CNTNAP2: variants seen among roughly 807,000 people sequenced by gnomAD.
CNTNAP2 encodes the protein contactin-associated protein-like 2.
CNTNAP2 carries 98 observed loss-of-function variants against 155.2 expected under a neutral mutation model. The ratio of observed to expected loss-of-function variants is 0.63; its 90% CI spans 0.54 to 0.75. The LOEUF (loss-of-function observed/expected upper bound fraction) is 0.75. Ranked by LOEUF, CNTNAP2 falls within the 30% of genes least tolerant of loss-of-function variation. CNTNAP2 has a pLI of 0.00. For synonymous variants in CNTNAP2, 651 were observed against 631.2 expected, an observed-to-expected ratio of 1.03 and a Z score of -0.47; for missense variants, 1,727 against 1,688.1, an observed-to-expected ratio of 1.02 and a Z score of -0.40.
intron 21 of CNTNAP2, among the ~76,000 whole-genome samples, chr7:148,282,434 A>C (rs1796990364): frequency 6.6e-6 from 1 of 152,238 alleles, no homozygotes. Flanking sequence ...CTTAACCGTG[A>C]AATGAGAATG....
intron 1 of CNTNAP2, among the ~76,000 whole-genome samples, chr7:146,307,300 C>T (rs929917328): frequency 6.6e-6 from 1 of 152,126 alleles, no homozygotes; most frequent in Non-Finnish European, 1.5e-5. Flanking sequence ...TCAAAGAGAA[C>T]TACAAACCAC....
At chr7:147,384,797 C>CA (rs1309404315) in intron 9 of CNTNAP2, among the ~76,000 whole-genome samples, 2 of 151,920 alleles carry the variant, frequency 1.3e-5, no homozygotes, top group African/African-American at 2.4e-5. Context: ...TAAAACTTAC[C>CA]AAAAAAATTG....
intron 13 of CNTNAP2, among the ~76,000 whole-genome samples, chr7:147,876,423 G>T (rs1799419577): frequency 6.6e-6 from 1 of 152,090 alleles, no homozygotes; most frequent in South Asian, 2.1e-4. Context: ...TATTTGCATG[G>T]GAACTTCGAT....
chr7:148,028,510 A>T (rs572846655), intron 15 of CNTNAP2, among the ~76,000 whole-genome samples: 6 of 152,192 alleles, frequency 3.9e-5, no homozygotes, highest in African/African-American at 1.4e-4. Context: ...CGGGAGGTCA[A>T]GGCTGCAGTG....
chr7:148,197,563 G>A (rs1397881616), intron 18 of CNTNAP2, among the ~76,000 whole-genome samples: 2 of 152,134 alleles, frequency 1.3e-5, no homozygotes, highest in African/African-American at 2.4e-5. Flanking sequence ...ATGAAATAAG[G>A]CATTGGAGTT....
At chr7:146,941,192 C>G (rs1003619044) in intron 3 of CNTNAP2, among the ~76,000 whole-genome samples, 11 of 152,012 alleles carry the variant, frequency 7.2e-5, no homozygotes, top group Non-Finnish European at 1.5e-5. Flanking sequence ...TTCTTCTTCT[C>G]TTACTGTCTT....
intron 1 of CNTNAP2, among the ~76,000 whole-genome samples, chr7:146,594,961 C>G (rs1452446806): frequency 6.6e-6 from 1 of 152,072 alleles, no homozygotes; most frequent in East Asian, 1.9e-4. Flanking sequence ...ATCATCATAT[C>G]TTTACCATCC....
At chr7:146,908,022 T>A (rs1374993284) in intron 3 of CNTNAP2, among the ~76,000 whole-genome samples, 1 of 151,974 alleles carries the variant, frequency 6.6e-6, no homozygotes, top group African/African-American at 2.4e-5. Context: ...TAAAACAGAC[T>A]TTAAACCAAC....
intron 2 of CNTNAP2, among the ~76,000 whole-genome samples, chr7:146,797,845 G>C (rs1802799055): frequency 6.6e-6 from 1 of 152,172 alleles, no homozygotes; most frequent in African/African-American, 2.4e-5. Flanking sequence ...ACAAGATAGA[G>C]ATACAAAGTT....
chr7:146,284,673 A>G (rs545878476), intron 1 of CNTNAP2, among the ~76,000 whole-genome samples: 8 of 152,316 alleles, frequency 5.3e-5, no homozygotes, highest in East Asian at 1.9e-4. Context: ...TTGAAATGTC[A>G]CTATTATATT....
intron 12 of CNTNAP2, among the ~76,000 whole-genome samples, chr7:147,611,359 C>T (rs1220341634): frequency 6.6e-6 from 1 of 152,202 alleles, no homozygotes; most frequent in African/African-American, 2.4e-5. Flanking sequence ...ACATAAACCA[C>T]ATCCCTACCC....
intron 4 of CNTNAP2, among the ~76,000 whole-genome samples, chr7:147,074,902 C>G (rs1208289502): frequency 6.6e-6 from 1 of 152,022 alleles, no homozygotes; most frequent in African/African-American, 2.4e-5. Flanking sequence ...GTGTTTTGCT[C>G]CTTCTGAAGC....
intron 9 of CNTNAP2, among the ~76,000 whole-genome samples, chr7:147,355,141 C>G (rs535048034): frequency 1.3e-5 from 2 of 151,764 alleles, no homozygotes; most frequent in Non-Finnish European, 2.9e-5. Context: ...GCCATTGTTT[C>G]GAGTAAAGTG....
chr7:147,925,152 AGAGAAGGAAGGAAGGAAG>A (rs1353148310), intron 14 of CNTNAP2, among the ~76,000 whole-genome samples: 26 of 107,454 alleles, frequency 2.4e-4, no homozygotes, highest in South Asian at 7.3e-4. Flanking sequence ...AGAGAGAGAG[AGAGAAGGAAGGAAGGAAG>A]GAAGGAAGGA....
rs545684350 is a variant in CNTNAP2, at chr7:148,289,206, G to T, written c.3475+22080G>T. Among the ~76,000 whole-genome samples the T allele has an allele frequency of 4.6e-5, 7 of 152,316 alleles. No individual in the cohort carries two copies. The South Asian group carries it at 8.3e-4, about 18-fold the overall frequency. On this transcript the variant is annotated intron_variant, in intron 21 of 23. Coordinates refer to ENST00000361727, the MANE Select transcript of CNTNAP2 (RefSeq NM_014141.6). ...ATAGCTCCAGGGTTGTGCTTAACGG[G>T]CCATAGTGGGAGGATTTGGAAAGGA...
At chr7:148,225,951 T>C (rs1322459690) in intron 19 of CNTNAP2, among the ~76,000 whole-genome samples, 1 of 152,174 alleles carries the variant, frequency 6.6e-6, no homozygotes, top group Non-Finnish European at 1.5e-5. Context: ...CTGTTGCATA[T>C]GTTATGTTTG....
At chr7:147,798,503 T>A (rs1797937546) in intron 13 of CNTNAP2, among the ~76,000 whole-genome samples, 2 of 152,188 alleles carry the variant, frequency 1.3e-5, no homozygotes, top group Admixed American at 1.3e-4. Flanking sequence ...GTCCTGTACG[T>A]AATGGCTTCA....
chr7:146,513,690 T>G (rs1261303707), intron 1 of CNTNAP2, among the ~76,000 whole-genome samples: 2 of 152,106 alleles, frequency 1.3e-5, no homozygotes, highest in East Asian at 3.9e-4. Flanking sequence ...TGTGTTTTAG[T>G]CTTCATACTA....
At chr7:148,118,485 C>T (rs1335387523) in intron 16 of CNTNAP2, among the ~76,000 whole-genome samples, 197 bp downstream of exon 16, 1 of 152,148 alleles carries the variant, frequency 6.6e-6, no homozygotes, top group Non-Finnish European at 1.5e-5. Flanking sequence ...CTCAGGGAAG[C>T]AGGCACATCC....
Sources: gnomAD v4.1 joint callset for allele counts (sites outside exome capture counted in the v4.1 genomes callset) on GRCh38, gnomAD v4.1.1 for gene constraint, MANE v1.5 for transcripts, NCBI Gene and HGNC (gene_info 2026-07-23, HGNC 2026-07-21) for gene names.